Variants in ATP2B1 observed in about 807,000 individuals in gnomAD.
ATP2B1 encodes ATPase plasma membrane Ca2+ transporting 1.
In ATP2B1, 14 loss-of-function variants were observed where a neutral mutation model predicts 124.2. The ratio of observed to expected loss-of-function variants is 0.11; its 90% confidence interval spans 0.07 to 0.18. The LOEUF (loss-of-function observed/expected upper bound fraction) is 0.18, where lower values mean the gene tolerates loss of function less well. Among genes scored for constraint, ATP2B1 ranks in the 10% least tolerant of loss-of-function variants. The pLI is 1.00. For missense variants in ATP2B1, 763 were observed against 1,466.1 expected, an observed-to-expected ratio of 0.52 and a Z score of 7.83; for synonymous variants, 449 against 492.4, an observed-to-expected ratio of 0.91 and a Z score of 1.17.
intron 1 of ATP2B1, among the ~76,000 whole-genome samples, chr12:89,666,019 G>A (rs1013620935): frequency 6.6e-6 from 1 of 152,170 alleles, no homozygotes; most frequent in African/African-American, 2.4e-5. Flanking sequence ...AAGGGAAGAA[G>A]GCACTTTCCC....
intron 1 of ATP2B1, among the ~76,000 whole-genome samples, chr12:89,675,509 G>A (rs1476512977): frequency 3.9e-5 from 6 of 152,060 alleles, no homozygotes; most frequent in African/African-American, 1.4e-4. Flanking sequence ...TGCTATATTA[G>A]CAATGAGCCT....
At chr12:89,620,389 T>G in intron 10 of ATP2B1, 149 bp from the exon 11 acceptor site, 1 of 1,021,566 alleles carries the variant, frequency 9.8e-7, no homozygotes, top group Admixed American at 2.9e-5. Context: ...AAAAGTAAGG[T>G]AGAAAGGAGC....
chr12:89,693,877 C>T (rs1179165345), intron 1 of ATP2B1, among the ~76,000 whole-genome samples: 2 of 152,208 alleles, frequency 1.3e-5, no homozygotes, highest in African/African-American at 4.8e-5. Flanking sequence ...CTTTGTTTTA[C>T]ATGGTTCAGG....
chr12:89,659,352 T>C (rs1045972897), intron 1 of ATP2B1, among the ~76,000 whole-genome samples: 3 of 127,584 alleles, frequency 2.4e-5, no homozygotes, highest in African/African-American at 8.6e-5. Flanking sequence ...TTTGAGGTAT[T>C]ACAAAACACA....
intron 20 of ATP2B1, chr12:89,593,642 T>A (rs1380210981): frequency 6.6e-6 from 1 of 151,962 alleles, no homozygotes; most frequent in Non-Finnish European, 1.5e-5. Flanking sequence ...TTAGTGAAGC[T>A]CTAAGAGGGG....
At chr12:89,595,444 A>C (rs533446154) in intron 20 of ATP2B1, among the ~76,000 whole-genome samples, 25 of 152,176 alleles carry the variant, frequency 1.6e-4, no homozygotes, top group African/African-American at 6.0e-4. Context: ...TTCTCTAGAG[A>C]CCTGTAAGAG....
chr12:89,626,792 T>G (rs1449425168), intron 7 of ATP2B1, among the ~76,000 whole-genome samples, 177 bp from the exon 8 acceptor site: 2 of 152,170 alleles, frequency 1.3e-5, no homozygotes, highest in Admixed American at 6.5e-5. Flanking sequence ...TGACGTTAGG[T>G]TGTGAAACTT....
chr12:89,624,069 A>C, intron 9 of ATP2B1, 114 bp downstream of exon 9: 2 of 894,962 alleles, frequency 2.2e-6, no homozygotes, highest in Non-Finnish European at 3.4e-6. Context: ...AATAGTGTAC[A>C]TTTATATGAA....
rs1873307009 is a variant in ATP2B1 at position 89,590,224 on chromosome 12, C to T, written c.*760G>A. 6.6e-6 allele frequency: 1 copy of T among 152,416 alleles called. No homozygotes were observed. Among genetic ancestry groups the T allele is most frequent in the Non-Finnish European group, 1.5e-5 (1 of 67,982 alleles). 9.4% of individuals were successfully genotyped at this position (152,416 alleles called of 1,614,324 possible). On this transcript the variant is annotated 3_prime_UTR_variant, in exon 21 of 21. Coordinates refer to ENST00000428670, the MANE Select transcript of ATP2B1 (RefSeq NM_001366521.1). ...TTAAGTAGTAAATGTATTTAAGAAA[C>T]TAATTAGGACAGATGTCATAACTTC... is the stretch of plus-strand genomic sequence containing the variant.
In ATP2B1 at chr12:89,624,207, C is replaced by T. The variant is rs752601549; in HGVS notation, c.1320G>A (p.Thr440=). ...AVPEGLPLAV[T]ISLAYSVKKM... is the part of the protein sequence containing the mutation. ...CTTTGACTGAATAAGCCAGTGAGAT[C>T]GTGACTGCAAGTGGAAGACCTTCTG... is the stretch of plus-strand genomic sequence containing the variant. Residue 440 remains threonine, a synonymous_variant, in exon 9 of 21, where the codon ACG becomes ACA. Transcript: ENST00000428670. 1.1e-5 allele frequency: 17 copies of T among 1,614,064 alleles called. No individual in the cohort carries two copies. In the Admixed American group the frequency reaches 1.3e-4, roughly 13 times the overall value.
intron 14 of ATP2B1, 85 bp from the exon 15 acceptor site, chr12:89,610,128 A>G: frequency 8.3e-7 from 1 of 1,208,240 alleles, no homozygotes. Context: ...TCGGTTTTAT[A>G]GACTCAAGGT....
At chr12:89,659,962 T>A (rs1472482842) in intron 1 of ATP2B1, among the ~76,000 whole-genome samples, 3 of 147,272 alleles carry the variant, frequency 2.0e-5, no homozygotes, top group Non-Finnish European at 4.5e-5. Flanking sequence ...AGAAAAGTTA[T>A]CCAGACTCAA....
In ATP2B1 at chr12:89,642,321, T is replaced by C; in HGVS notation, c.243A>G (p.Arg81=). The C allele has an allele frequency of 6.2e-7, 1 of 1,613,672 alleles. No homozygotes were observed. Among genetic ancestry groups the C allele is most frequent in the South Asian group, 1.1e-5 (1 of 91,042 alleles). ...LSGNPADLER[R]EAVFGKNFIP... Reference sequence around the variant, plus strand: ...TAAAATTCTTTCCAAACACTGCTTCTCTTCTTTCTAAATCTGCAGGGTTTC... The same window carrying C: ...TAAAATTCTTTCCAAACACTGCTTCCCTTCTTTCTAAATCTGCAGGGTTTC... Residue 81 remains arginine (R), a synonymous_variant, in exon 3 of 21, where the codon AGA becomes AGG. Transcript: ENST00000428670.
At chr12:89,637,242 A>T (rs1262228154) in intron 3 of ATP2B1, among the ~76,000 whole-genome samples, 1 of 152,172 alleles carries the variant, frequency 6.6e-6, no homozygotes, top group African/African-American at 2.4e-5. Context: ...GTGGGTAGGT[A>T]TCATGAAAAT....
At chr12:89,693,044 T>C (rs1890722418) in intron 1 of ATP2B1, among the ~76,000 whole-genome samples, 1 of 152,208 alleles carries the variant, frequency 6.6e-6, no homozygotes, top group Non-Finnish European at 1.5e-5. Context: ...TTTTTCATTT[T>C]ACTCCCTACA....
chr12:89,618,084 T>C (rs543593660), intron 11 of ATP2B1, among the ~76,000 whole-genome samples: 2 of 151,502 alleles, frequency 1.3e-5, no homozygotes, highest in Admixed American at 1.3e-4. Context: ...GATATGTCTC[T>C]AGTTGATTTT....
intron 7 of ATP2B1, among the ~76,000 whole-genome samples, chr12:89,627,108 G>A (rs1481252199): frequency 6.6e-6 from 1 of 151,976 alleles, no homozygotes; most frequent in Non-Finnish European, 1.5e-5. Flanking sequence ...AAATACTTAA[G>A]TTGAGTCAAT....
At chr12:89,624,067 A>G in intron 9 of ATP2B1, 116 bp downstream of exon 9, 3 of 861,380 alleles carry the variant, frequency 3.5e-6, no homozygotes, top group Non-Finnish European at 5.4e-6. Context: ...AAAATAGTGT[A>G]CATTTATATG....
At chr12:89,627,147 CT>C (rs1881014405) in intron 7 of ATP2B1, among the ~76,000 whole-genome samples, 1 of 152,090 alleles carries the variant, frequency 6.6e-6, no homozygotes, top group Admixed American at 6.5e-5. Context: ...ATCCGAAAAT[CT>C]AAAATACCTC....
Sources: allele counts gnomAD v4.1 joint callset (sites outside exome capture counted in the v4.1 genomes callset), GRCh38; gene constraint gnomAD v4.1.1; transcripts MANE v1.5; gene names NCBI Gene and HGNC (gene_info 2026-07-23, HGNC 2026-07-21).